The following PIP5K1B variants were observed in gnomAD, a reference collection of about 807,000 sequenced individuals.
The protein encoded by PIP5K1B is phosphatidylinositol-4-phosphate 5-kinase type 1 beta.
A neutral mutation model predicts 67.0 loss-of-function variants in PIP5K1B; 42 were observed. The ratio of observed to expected loss-of-function variants is 0.63; its 90% CI spans 0.49 to 0.81. The LOEUF is 0.81. PIP5K1B is among the 30% of genes least tolerant of loss of function. The pLI is 0.00. For missense variants in PIP5K1B, 459 were observed against 646.3 expected (o/e 0.71, Z 3.14); for synonymous variants, 214 against 231.4 (o/e 0.92, Z 0.68).
intron 14 of PIP5K1B, among the ~76,000 whole-genome samples, chr9:68,970,631 C>T (rs1829310376): frequency 6.6e-6 from 1 of 152,214 alleles, no homozygotes; most frequent in African/African-American, 2.4e-5. Flanking sequence ...TTCAGGTTTC[C>T]ATTTTTAGAA....
intron 12 of PIP5K1B, among the ~76,000 whole-genome samples, chr9:68,925,467 G>T (rs936165670): frequency 6.6e-6 from 1 of 152,088 alleles, no homozygotes; most frequent in South Asian, 2.1e-4. Flanking sequence ...TACTGGTAAG[G>T]TTCAACCCTT....
chr9:68,832,784 G>C (rs556045177), intron 4 of PIP5K1B, among the ~76,000 whole-genome samples: 1 of 152,296 alleles, frequency 6.6e-6, no homozygotes, highest in East Asian at 1.9e-4. Context: ...GAGTTGATGA[G>C]CTACTCTTCC....
At chr9:68,850,748 G>T (rs1822440236) in intron 4 of PIP5K1B, among the ~76,000 whole-genome samples, 1 of 152,078 alleles carries the variant, frequency 6.6e-6, no homozygotes, top group African/African-American at 2.4e-5. Context: ...AGTCAATCCT[G>T]TCTTATTTTA....
chr9:68,925,307 G>A (rs1249919831), intron 12 of PIP5K1B, among the ~76,000 whole-genome samples: 2 of 152,134 alleles, frequency 1.3e-5, no homozygotes, highest in South Asian at 2.1e-4. Context: ...TAAAATGCAC[G>A]TAACTGCGCA....
At chr9:68,965,768 C>A (rs2132783223) in intron 14 of PIP5K1B, 1 of 152,244 alleles carries the variant, frequency 6.6e-6, no homozygotes, top group East Asian at 1.9e-4. Context: ...GGGTTCGAGA[C>A]CAGCCTGGCC....
rs548431287 is a variant in PIP5K1B at position 68,995,185 on chromosome 9, G to A, written c.1620+3928G>A. Among the ~76,000 whole-genome samples the A allele has an allele frequency of 1.7e-4, 25 of 149,928 alleles. No individual in the cohort carries two copies. In the South Asian group the frequency reaches 5.2e-3, roughly 31 times the overall value. ...AAAGAAAGAAAAGAAGGAAAGGAAGGAAGGAAGGGAAGAAGGGAAGGGAAG... is the reference window on the plus strand; with the variant it reads ...AAAGAAAGAAAAGAAGGAAAGGAAGAAAGGAAGGGAAGAAGGGAAGGGAAG... On this transcript the variant is annotated intron_variant, in intron 15 of 15. Coordinates refer to ENST00000265382, the MANE Select transcript of PIP5K1B (RefSeq NM_003558.4).
At chr9:68,730,468 G>A (rs1473607132) in intron 1 of PIP5K1B, among the ~76,000 whole-genome samples, 2 of 152,202 alleles carry the variant, frequency 1.3e-5, no homozygotes, top group Admixed American at 6.5e-5. Flanking sequence ...AGTAAGCCAT[G>A]TCAGCAGATG....
At chr9:68,935,129 A>G in intron 13 of PIP5K1B, 84 bp downstream of exon 13, 1 of 1,100,726 alleles carries the variant, frequency 9.1e-7, no homozygotes, top group Non-Finnish European at 1.3e-6. Context: ...AAATTTAAAA[A>G]TACCTGCTCT....
chr9:68,925,795 A>ATTTTTTTTTTTTT lies in PIP5K1B; in HGVS notation c.1201+2417_1201+2429dup, dbSNP rs71353094. 6.4e-3 allele frequency among the ~76,000 whole-genome samples: 469 copies of ATTTTTTTTTTTTT among 73,208 alleles called. 49 individuals carry two copies. Among genetic ancestry groups the ATTTTTTTTTTTTT allele is most frequent in the East Asian group, 0.024 (37 of 1,572 alleles). The allele number at this position is 73,208 out of a possible 152,430, so 48.0% of individuals were successfully genotyped here. A position where few individuals can be genotyped will look rare whatever the true frequency, so the allele number is the denominator to read the frequency against. ...ACATGAATACCAGCTTGTGGTTCCAATTTTTTTTTTTTTTTTTTTTGAGAC... is the reference window on the plus strand; with the variant it reads ...ACATGAATACCAGCTTGTGGTTCCAATTTTTTTTTTTTTTTTTTTTTTTTTTTTTTTTTGAGAC... On this transcript the variant is annotated intron_variant, in intron 12 of 15. Transcript: ENST00000265382.
At chr9:68,720,362 A>G (rs889896527) in intron 1 of PIP5K1B, among the ~76,000 whole-genome samples, 1 of 152,080 alleles carries the variant, frequency 6.6e-6, no homozygotes, top group African/African-American at 2.4e-5. Context: ...CCCACGCCCC[A>G]TGGTCTCTTT....
intron 7 of PIP5K1B, among the ~76,000 whole-genome samples, chr9:68,892,094 G>C (rs943484383): frequency 2.0e-5 from 3 of 152,114 alleles, no homozygotes; most frequent in Non-Finnish European, 4.4e-5. Flanking sequence ...ACATAAAGAA[G>C]ATCTGAAATA....
intron 1 of PIP5K1B, among the ~76,000 whole-genome samples, chr9:68,739,225 A>G (rs1250673252): frequency 6.6e-6 from 1 of 152,214 alleles, no homozygotes; most frequent in Non-Finnish European, 1.5e-5. Flanking sequence ...AAAATATTTC[A>G]TGTGCCTCGA....
intron 6 of PIP5K1B, among the ~76,000 whole-genome samples, chr9:68,884,657 C>T (rs1237102943): frequency 8.1e-6 from 1 of 122,920 alleles, no homozygotes; most frequent in African/African-American, 3.6e-5. Context: ...AGAGCAGGAC[C>T]TTGTCTTTAA....
At chr9:68,807,584 T>A (rs1832939033) in intron 2 of PIP5K1B, among the ~76,000 whole-genome samples, 1 of 152,192 alleles carries the variant, frequency 6.6e-6, no homozygotes, top group Non-Finnish European at 1.5e-5. Context: ...TGGCTTTGGT[T>A]TCTCAATAGA....
At chr9:68,985,254 CTTTT>C (rs749017407) in intron 14 of PIP5K1B, among the ~76,000 whole-genome samples, 1 of 140,298 alleles carries the variant, frequency 7.1e-6, no homozygotes, top group Admixed American at 7.1e-5. Flanking sequence ...ATCTCTTCTT[CTTTT>C]TTTTTTTTTT....
intron 2 of PIP5K1B, among the ~76,000 whole-genome samples, chr9:68,779,815 CCT>C (rs903053987): frequency 1.3e-5 from 2 of 152,256 alleles, no homozygotes; most frequent in Non-Finnish European, 2.9e-5. Context: ...TCACCATGGG[CCT>C]CTCTTTCAGG....
At chr9:68,974,790 G>A (rs1046172894) in intron 14 of PIP5K1B, among the ~76,000 whole-genome samples, 3 of 152,224 alleles carry the variant, frequency 2.0e-5, no homozygotes, top group Middle Eastern at 3.2e-3. Flanking sequence ...ATCTGTGAGA[G>A]CGAAGCTGCT....
At chr9:68,709,486 GCT>G (rs1827284239) in intron 1 of PIP5K1B, among the ~76,000 whole-genome samples, 1 of 152,174 alleles carries the variant, frequency 6.6e-6, no homozygotes, top group African/African-American at 2.4e-5. Flanking sequence ...ACAGGCATCG[GCT>G]TCCCACAGTG....
chr9:68,745,206 G>C (rs992616933), intron 2 of PIP5K1B, among the ~76,000 whole-genome samples: 5 of 152,194 alleles, frequency 3.3e-5, no homozygotes, highest in African/African-American at 9.6e-5. Flanking sequence ...GAGGCTGGAA[G>C]GGGGAGAAGC....
Sources: allele counts gnomAD v4.1 joint callset (sites outside exome capture counted in the v4.1 genomes callset), GRCh38; gene constraint gnomAD v4.1.1; transcripts MANE v1.5; gene names NCBI Gene and HGNC (gene_info 2026-07-23, HGNC 2026-07-21).